Variants in ANKRD55 observed in about 807,000 individuals in gnomAD.
ANKRD55 encodes ankyrin repeat domain-containing protein 55.
A neutral mutation model predicts 60.6 loss-of-function variants in ANKRD55; 41 were observed. The ratio of observed to expected loss-of-function variants is 0.68; its 90% CI spans 0.53 to 0.88. The LOEUF (loss-of-function observed/expected upper bound fraction) is 0.88, where lower values mean the gene tolerates loss of function less well. ANKRD55 is among the 40% of genes least tolerant of loss of function. The probability of loss-of-function intolerance (pLI) is 0.00; values close to 1 mark genes in which losing one functional copy is unlikely to be tolerated. For missense variants in ANKRD55, 732 were observed against 767.6 expected (o/e 0.95, Z 0.55); for synonymous variants, 264 against 290.3 (o/e 0.91, Z 0.92).
rs1055305066 is a variant in ANKRD55, at chr5:56,232,937, A to G, written c.-24T>C. 6.2e-7 allele frequency: 1 copy of G among 1,612,166 alleles called. No individual in the cohort carries two copies. Among genetic ancestry groups the G allele is most frequent in the Admixed American group, 1.7e-5 (1 of 59,984 alleles). The stretch of plus-strand genomic sequence containing the variant: ...ATTTACCATCAGAATGGCAAAAAGC[A>G]TCCAGGTCTCTAGAGAGGAGAAAAC... On this transcript the variant is annotated 5_prime_UTR_variant, in exon 2 of 12. The change abolishes an upstream ATG in the 5' untranslated region. Coordinates refer to ENST00000341048, the MANE Select transcript of ANKRD55 (RefSeq NM_024669.3).
intron 8 of ANKRD55, among the ~76,000 whole-genome samples, chr5:56,119,202 G>C (rs914735403): frequency 6.6e-6 from 1 of 152,148 alleles, no homozygotes; most frequent in African/African-American, 2.4e-5. Context: ...AACAAACTGT[G>C]GTTCATCCTA....
At chr5:56,162,987 T>C (rs1462557909) in intron 5 of ANKRD55, among the ~76,000 whole-genome samples, 1 of 152,154 alleles carries the variant, frequency 6.6e-6, no homozygotes, top group Non-Finnish European at 1.5e-5. Flanking sequence ...CAAGTTTAAA[T>C]AGTCTTTCCC....
intron 2 of ANKRD55, among the ~76,000 whole-genome samples, chr5:56,210,350 G>A (rs947826883): frequency 2.3e-4 from 35 of 151,922 alleles, no homozygotes; most frequent in Non-Finnish European, 2.6e-4. Flanking sequence ...CGAGGCGGGC[G>A]GATCACGAGG....
At position 56,139,290 on chromosome 5, in the gene ANKRD55, A is replaced by T. The variant is rs143259704; in HGVS notation, c.612+4511T>A. On this transcript the variant is annotated intron_variant, in intron 7 of 11. Transcript: ENST00000341048. ...GAATTCAATGAACACCTCTTTAGGG[A>T]CCTACGGTTCACAAAGCTCTGTTCT... Among the ~76,000 whole-genome samples, 1,489 of 152,260 alleles carry T rather than the reference A, an allele frequency of 9.8e-3. 16 individuals carry two copies. The highest frequency in any genetic ancestry group is 0.068 in the South Asian group (329 of 4,806).
chr5:56,220,764 G>A (rs2399694), intron 2 of ANKRD55, among the ~76,000 whole-genome samples: 20,217 of 152,096 alleles, frequency 0.13, 2,559 homozygotes, highest in African/African-American at 0.33. Context: ...AGTGAGCCAA[G>A]ACCATGCCAT....
intron 8 of ANKRD55, among the ~76,000 whole-genome samples, chr5:56,126,637 A>C (rs1757267195): frequency 6.6e-6 from 1 of 152,142 alleles, no homozygotes; most frequent in South Asian, 2.1e-4. Context: ...CAAAGAGGGC[A>C]CATAGCAGGA....
At chr5:56,132,343 T>TA (rs1396555330) in intron 7 of ANKRD55, among the ~76,000 whole-genome samples, 1 of 148,478 alleles carries the variant, frequency 6.7e-6, no homozygotes, top group East Asian at 2.0e-4. Flanking sequence ...GAACAAAGAA[T>TA]AAGGGCATGG....
intron 2 of ANKRD55, among the ~76,000 whole-genome samples, chr5:56,184,658 G>C (rs1454371728): frequency 1.3e-5 from 2 of 152,176 alleles, no homozygotes; most frequent in Non-Finnish European, 2.9e-5. Flanking sequence ...AGCACTTTGG[G>C]AGGCTGAGGT....
chr5:56,178,165 A>C (rs16885002), intron 3 of ANKRD55, among the ~76,000 whole-genome samples: 10,582 of 151,908 alleles, frequency 0.07, 516 homozygotes, highest in African/African-American at 0.13. Flanking sequence ...ATGCATAACC[A>C]AATGATTACT....
At chr5:56,120,789 C>G (rs1757024073) in intron 8 of ANKRD55, among the ~76,000 whole-genome samples, 1 of 151,912 alleles carries the variant, frequency 6.6e-6, no homozygotes, top group African/African-American at 2.4e-5. Flanking sequence ...ATCCCAGCTA[C>G]TCGGGAGGCT....
At chr5:56,126,823 A>G in intron 8 of ANKRD55, 99 bp downstream of exon 8, 1 of 1,312,582 alleles carries the variant, frequency 7.6e-7, no homozygotes, top group African/African-American at 1.5e-5. Flanking sequence ...CAATAGGGAT[A>G]TAGCTGTATA....
At chr5:56,147,777 AG>A (rs1034109672) in intron 6 of ANKRD55, among the ~76,000 whole-genome samples, 1 of 151,958 alleles carries the variant, frequency 6.6e-6, no homozygotes, top group African/African-American at 2.4e-5. Flanking sequence ...ATCCTCTTAG[AG>A]TTAATAATGT....
intron 7 of ANKRD55, among the ~76,000 whole-genome samples, chr5:56,143,432 G>C (rs778781257): frequency 1.5e-4 from 23 of 152,140 alleles, no homozygotes; most frequent in Non-Finnish European, 2.8e-4. Flanking sequence ...AAATGACTCT[G>C]CTGGGGAGGA....
chr5:56,125,911 G>T (rs1455989871), intron 8 of ANKRD55: 1 of 152,056 alleles, frequency 6.6e-6, no homozygotes, highest in Non-Finnish European at 1.5e-5. Flanking sequence ...AGGCGGGCGG[G>T]TCACCTGAGG....
At chr5:56,181,620 T>G (rs1354192899) in intron 3 of ANKRD55, among the ~76,000 whole-genome samples, 1 of 152,192 alleles carries the variant, frequency 6.6e-6, no homozygotes, top group Non-Finnish European at 1.5e-5. Flanking sequence ...AGATAGAGTC[T>G]CGCTCTGTCA....
intron 2 of ANKRD55, among the ~76,000 whole-genome samples, chr5:56,224,520 A>T (rs529940641): frequency 6.6e-6 from 1 of 152,350 alleles, no homozygotes; most frequent in African/African-American, 2.4e-5. Flanking sequence ...AGACACAAAA[A>T]ACCCTTCAAA....
intron 10 of ANKRD55, among the ~76,000 whole-genome samples, chr5:56,105,688 T>C (rs1401218622): frequency 2.0e-5 from 3 of 152,132 alleles, no homozygotes; most frequent in South Asian, 4.2e-4. Flanking sequence ...GGTCTGACCA[T>C]GCCGTGAGGG....
chr5:56,102,703 C>T (rs574767740), intron 10 of ANKRD55, 117 bp from the exon 11 acceptor site: 18 of 653,394 alleles, frequency 2.8e-5, no homozygotes, highest in Non-Finnish European at 4.6e-5. Flanking sequence ...AAGGTGGTAA[C>T]AATAACAATG....
At chr5:56,172,046 G>A (rs1758620241) in intron 4 of ANKRD55, among the ~76,000 whole-genome samples, 1 of 151,722 alleles carries the variant, frequency 6.6e-6, no homozygotes, top group African/African-American at 2.4e-5. Context: ...GTGAACCCGG[G>A]AGGCAGAGCT....
Sources: gnomAD v4.1 joint callset for allele counts (sites outside exome capture counted in the v4.1 genomes callset) on GRCh38, gnomAD v4.1.1 for gene constraint, MANE v1.5 for transcripts, NCBI Gene and HGNC (gene_info 2026-07-23, HGNC 2026-07-21) for gene names.